Variants in FBN1 observed in about 807,000 individuals in gnomAD.
FBN1 encodes the protein fibrillin 1, also known as fibrillin-1.
Under a neutral mutation model 365.1 loss-of-function variants are expected in FBN1, and 29 were observed. That is an observed-to-expected ratio of 0.08 (90% CI 0.06 to 0.11). The LOEUF (loss-of-function observed/expected upper bound fraction) is 0.11. Ranked by LOEUF, FBN1 falls within the 10% of genes least tolerant of loss-of-function variation. The pLI is 1.00. For synonymous variants in FBN1, 1,210 were observed against 1,270.5 expected, an observed-to-expected ratio of 0.95 and a Z score of 1.01; for missense variants, 2,476 against 3,703.2, an observed-to-expected ratio of 0.67 and a Z score of 8.60.
chr15:48,547,690 G>T, intron 6 of FBN1, among the ~76,000 whole-genome samples: 1 of 143,968 alleles, frequency 6.9e-6, no homozygotes, highest in Non-Finnish European at 1.5e-5. Flanking sequence ...TAGATATGTG[G>T]TATATAGGTT....
At chr15:48,463,339 G>T in intron 41 of FBN1, 99 bp from the exon 42 acceptor site, 3 of 1,169,470 alleles carry the variant, frequency 2.6e-6, no homozygotes, top group South Asian at 1.2e-5. Context: ...AGTTTCATTT[G>T]AATTGTATTG....
chr15:48,478,586 T>C (rs1397173988), intron 32 of FBN1, among the ~76,000 whole-genome samples: 1 of 152,114 alleles, frequency 6.6e-6, no homozygotes, highest in Non-Finnish European at 1.5e-5. Context: ...AGGGCCTTAA[T>C]TATGTAGAAC....
At chr15:48,487,813 A>T (rs2043521889) in intron 27 of FBN1, among the ~76,000 whole-genome samples, 1 of 152,188 alleles carries the variant, frequency 6.6e-6, no homozygotes, top group Non-Finnish European at 1.5e-5. Flanking sequence ...TTGGACAGAC[A>T]TCTTGTAAAG....
rs2043595042 is a variant in FBN1 at position 48,495,164 on chromosome 15, A to C, written c.2636T>G (p.Leu879Arg). The C allele has an allele frequency of 6.2e-7, 1 of 1,614,188 alleles. No individual in the cohort carries two copies. The highest frequency in any genetic ancestry group is 1.7e-4 in the Middle Eastern group (1 of 6,054). The change falls in exon 22 of 66, where the codon CTC (leucine) becomes CGC (arginine). Residue 879 changes from leucine (L) to arginine (R), a missense_variant. Leu to Arg is a moderately radical substitution (Grantham distance 102). This residue lies in a region of FBN1 where 1,780 missense variants were observed against 2,840.8 expected (regional missense o/e 0.63). Transcript: ENST00000316623. ...GCACGGGCTTCCCCACGCAGCACCGAGGGAGGAGCAGCACTGGGACTTTAA... is the reference window on the plus strand; with the variant it reads ...GCACGGGCTTCCCCACGCAGCACCGCGGGAGGAGCAGCACTGGGACTTTAA... ...ATLKSQCCSS[L>R]GAAWGSPCTL...
At chr15:48,524,967 G>C (rs1460515164) in intron 9 of FBN1, among the ~76,000 whole-genome samples, 1 of 152,182 alleles carries the variant, frequency 6.6e-6, no homozygotes, top group African/African-American at 2.4e-5. Context: ...TCCTCATGTA[G>C]TTTGAAGCTC....
chr15:48,481,513 A>G, intron 32 of FBN1, 142 bp downstream of exon 32: 1 of 935,804 alleles, frequency 1.1e-6, no homozygotes, highest in Non-Finnish European at 1.5e-6. Flanking sequence ...AAGAAGTGGA[A>G]GCTAAATTAA....
intron 29 of FBN1, among the ~76,000 whole-genome samples, chr15:48,485,916 C>T (rs2043502951): frequency 6.6e-6 from 1 of 152,186 alleles, no homozygotes; most frequent in South Asian, 2.1e-4. Context: ...TTAACATTTC[C>T]AGGCATACGT....
At chr15:48,497,467 AC>A in intron 18 of FBN1, 76 bp from the exon 19 acceptor site, 1 of 1,394,222 alleles carries the variant, frequency 7.2e-7, no homozygotes. Flanking sequence ...ATATAACACT[AC>A]AATAAATGTA....
chr15:48,622,324 C>G (rs987261912), intron 2 of FBN1, among the ~76,000 whole-genome samples: 8 of 152,130 alleles, frequency 5.3e-5, no homozygotes, highest in Admixed American at 5.2e-4. Context: ...TCAAGGTCTG[C>G]CTGGGGAACT....
At chr15:48,601,922 C>G (rs969996404) in intron 4 of FBN1, among the ~76,000 whole-genome samples, 17 of 152,206 alleles carry the variant, frequency 1.1e-4, no homozygotes, top group Non-Finnish European at 2.4e-4. Flanking sequence ...CTCAGCATGG[C>G]CCCAGGTATC....
intron 2 of FBN1, among the ~76,000 whole-genome samples, chr15:48,623,259 C>T (rs1267238432): frequency 6.6e-6 from 1 of 152,202 alleles, no homozygotes; most frequent in African/African-American, 2.4e-5. Context: ...ACATTAAAAT[C>T]TGTGCGATAG....
At chr15:48,622,739 T>C (rs1276283082) in intron 2 of FBN1, among the ~76,000 whole-genome samples, 1 of 152,142 alleles carries the variant, frequency 6.6e-6, no homozygotes, top group Non-Finnish European at 1.5e-5. Context: ...AACTCTTATC[T>C]TTACCTATAC....
In FBN1 at chr15:48,510,119, T is replaced by G. The variant is rs759813328; in HGVS notation, c.1639A>C (p.Ile547Leu). ...CAATGAAAACTGCCATCTGTGTTGA[T>G]GCAGCGTCCATTATTGCAGATCCGG... ...NGRICNNGRC[I>L]NTDGSFHCVC... Residue 547 changes from isoleucine to leucine, a missense_variant, in exon 14 of 66, where the codon ATC (isoleucine) becomes CTC (leucine). By Grantham distance (5) the Ile-to-Leu change is conservative. This residue lies in a region of FBN1 where 1,780 missense variants were observed against 2,840.8 expected (regional missense o/e 0.63). Transcript: ENST00000316623. 6.2e-7 allele frequency: 1 copy of G among 1,613,390 alleles called. No homozygotes were observed. Among genetic ancestry groups the G allele is most frequent in the Non-Finnish European group, 8.5e-7 (1 of 1,179,596 alleles).
intron 23 of FBN1, among the ~76,000 whole-genome samples, chr15:48,493,608 T>C (rs1218665840): frequency 6.6e-6 from 1 of 151,768 alleles, no homozygotes; most frequent in African/African-American, 2.4e-5. Context: ...TGGGTGGGGG[T>C]TGTAGTGTGC....
chr15:48,423,734 T>G (rs1368944197), intron 60 of FBN1, among the ~76,000 whole-genome samples: 4 of 152,162 alleles, frequency 2.6e-5, no homozygotes, highest in African/African-American at 9.7e-5. Context: ...CCTTCTGGCT[T>G]CCTCCTTCTC....
At chr15:48,447,560 A>G (rs2141251047) in intron 46 of FBN1, among the ~76,000 whole-genome samples, 1 of 152,302 alleles carries the variant, frequency 6.6e-6, no homozygotes, top group Middle Eastern at 3.4e-3. Flanking sequence ...TATAAAGAGT[A>G]GATGCACATT....
chr15:48,487,482 C>A, intron 27 of FBN1, 45 bp from the exon 28 acceptor site: 1 of 1,609,096 alleles, frequency 6.2e-7, no homozygotes, highest in South Asian at 1.1e-5. Flanking sequence ...GCCTCATCTC[C>A]TCCACCAGAC....
At position 48,488,352 on chromosome 15, in the gene FBN1, A is replaced by C. The variant is rs894407150; in HGVS notation, c.3208+16T>G. ...AGGACGTCCCCTCTCCTGGCCCTTA[A>C]GGCTCATTAACTGACCTGTGCAGTT... On this transcript the variant is annotated intron_variant, in intron 26 of 65. Coordinates refer to ENST00000316623, the MANE Select transcript of FBN1 (RefSeq NM_000138.5). 2 of 1,614,240 alleles carry C rather than the reference A, an allele frequency of 1.2e-6. No homozygotes were observed. The highest frequency in any genetic ancestry group is 1.7e-6 in the Non-Finnish European group (2 of 1,180,044).
Position 48,425,807 on chromosome 15 carries a change from T to C in FBN1, c.7262A>G (p.Asp2421Gly), listed in dbSNP as rs2042974724. ...ACAAATGCAATGATATGATCCTCTG[T>C]CATTGACACATTCCCCATTTCGGCA... ...DVCRNGECVN[D>G]RGSYHCICKT... The change falls in exon 59 of 66, where the codon GAC becomes GGC. Residue 2421 changes from aspartate to glycine, a missense_variant. Around this residue, in one of 5 missense-constraint regions of FBN1, gnomAD observed 1,780 missense variants for 2,840.8 expected, o/e 0.63. Coordinates refer to ENST00000316623, the MANE Select transcript of FBN1 (RefSeq NM_000138.5). 1.2e-6 allele frequency: 2 copies of C among 1,612,628 alleles called. No individual in the cohort carries two copies. Among genetic ancestry groups the C allele is most frequent in the African/African-American group, 2.7e-5 (2 of 74,906 alleles).
Sources: gnomAD v4.1 joint callset for allele counts (sites outside exome capture counted in the v4.1 genomes callset) on GRCh38, gnomAD v4.1.1 for gene constraint, gnomAD v4.1.1 regional missense constraint, MANE v1.5 for transcripts, NCBI Gene and HGNC (gene_info 2026-07-23, HGNC 2026-07-21) for gene names.